The following CTBP2 variants were observed in gnomAD, a reference collection of about 807,000 sequenced individuals.
The protein encoded by CTBP2 is C-terminal binding protein 2.
CTBP2 carries 30 observed loss-of-function variants against 80.3 expected under a neutral mutation model. That is an observed-to-expected ratio of 0.37 (90% CI 0.28 to 0.51). The LOEUF (loss-of-function observed/expected upper bound fraction) is 0.51. CTBP2 is among the 20% of genes least tolerant of loss of function. The probability of loss-of-function intolerance (pLI) is 0.93; values close to 1 mark genes in which losing one functional copy is unlikely to be tolerated. For missense variants in CTBP2, 1,212 were observed against 1,375.3 expected, an observed-to-expected ratio of 0.88 and a Z score of 1.88; for synonymous variants, 594 against 587.4, an observed-to-expected ratio of 1.01 and a Z score of -0.16.
At chr10:125,110,792 C>T (rs1237322979) in intron 2 of CTBP2, among the ~76,000 whole-genome samples, 198 bp downstream of exon 2, 1 of 152,150 alleles carries the variant, frequency 6.6e-6, no homozygotes, top group African/African-American at 2.4e-5. Context: ...GAGTTAATTA[C>T]ATGTATTTTG....
chr10:125,083,905 G>C (rs1266060578), intron 2 of CTBP2, among the ~76,000 whole-genome samples: 1 of 152,118 alleles, frequency 6.6e-6, no homozygotes, highest in Admixed American at 6.5e-5. Context: ...TCAGCTTCCC[G>C]AGTAGCTGGG....
chr10:124,988,047 C>T lies in CTBP2; in HGVS notation c.*1471G>A, dbSNP rs1952112531. Reference sequence around the variant, plus strand: ...GCTTTGGGGTAGATTAAAGTCAGAACTCTAAAAGTTGAGCAACTTTGTTTT... The same window carrying T: ...GCTTTGGGGTAGATTAAAGTCAGAATTCTAAAAGTTGAGCAACTTTGTTTT... On this transcript the variant is annotated 3_prime_UTR_variant, in exon 9 of 9. Transcript: ENST00000309035. 1 of 151,466 alleles carries T rather than the reference C, an allele frequency of 6.6e-6. No homozygotes were observed. Among genetic ancestry groups the T allele is most frequent in the Admixed American group, 6.6e-5 (1 of 15,174 alleles). The allele number at this position is 151,466 out of a possible 1,614,324, so 9.4% of individuals were successfully genotyped here.
chr10:124,992,621 A>C, intron 8 of CTBP2, 74 bp downstream of exon 10: 1 of 1,094,982 alleles, frequency 9.1e-7, no homozygotes, highest in Admixed American at 2.5e-5. Context: ...AGCTTCCGCC[A>C]AGTTTGGGCT....
Position 125,003,073 on chromosome 10 carries a change from T to C in CTBP2, c.1865A>G (p.Tyr622Cys), listed in dbSNP as rs1320849842. 1 of 1,613,952 alleles carries C rather than the reference T, an allele frequency of 6.2e-7. No individual in the cohort carries two copies. The highest frequency in any genetic ancestry group is 2.2e-5 in the East Asian group (1 of 44,870). ...CTCCCTGGTGAGGGTGATGGTGTGG[T>C]ACATCATGGCGCCCACGGCTTCGTT... The change falls in exon 3 of 9, where the codon TAC (tyrosine) becomes TGC (cysteine). Residue 622 changes from tyrosine (Y) to cysteine (C), a missense_variant. This residue lies in a region of CTBP2 where 335 missense variants were observed against 504.7 expected (regional missense o/e 0.66). Coordinates refer to ENST00000309035, the MANE Select transcript of CTBP2 (RefSeq NM_022802.3).
intron 2 of CTBP2, among the ~76,000 whole-genome samples, chr10:125,097,401 T>C (rs1849694823): frequency 6.6e-6 from 1 of 152,200 alleles, no homozygotes; most frequent in Non-Finnish European, 1.5e-5. Flanking sequence ...CAACACCATT[T>C]CTATCAACAC....
At chr10:125,126,504 C>T (rs542000027) in intron 1 of CTBP2, among the ~76,000 whole-genome samples, 73 of 152,328 alleles carry the variant, frequency 4.8e-4, no homozygotes, top group African/African-American at 1.7e-3. Flanking sequence ...CACAAACTGA[C>T]GTGTGGTACA....
chr10:125,089,790 C>A (rs1039009169), intron 2 of CTBP2, among the ~76,000 whole-genome samples: 32 of 152,204 alleles, frequency 2.1e-4, no homozygotes, highest in Admixed American at 3.9e-4. Context: ...ATAGCATACA[C>A]TACTAGTATT....
chr10:125,026,968 G>C lies in CTBP2; in HGVS notation c.792C>G (p.Ile264Met). The change falls in exon 1 of 9, where the codon ATC becomes ATG. Residue 264 changes from isoleucine to methionine, a missense_variant. Ile to Met is a conservative substitution (Grantham distance 10). Transcript: ENST00000309035. ...AAGTCTCGTAAGCCATCTTGGATGGGATGCTTTCCCGGGCAGGCCCGTAGC... is the reference window on the plus strand; with the variant it reads ...AAGTCTCGTAAGCCATCTTGGATGGCATGCTTTCCCGGGCAGGCCCGTAGC... 1 of 1,614,086 alleles carries C rather than the reference G, an allele frequency of 6.2e-7. No individual in the cohort carries two copies. The highest frequency in any genetic ancestry group is 8.5e-7 in the Non-Finnish European group (1 of 1,180,032).
rs148409012 is a variant in CTBP2, at chr10:125,153,729, A to G, written c.-206+6590T>C. On this transcript the variant is annotated intron_variant, in intron 1 of 10. Coordinates refer to the CTBP2 transcript ENST00000337195. ...GAGATTTTTAAATTCCATCTTGGAA[A>G]AAGAAAAGCCCCATTAGGCCAGAGG... 8.1e-4 allele frequency among the ~76,000 whole-genome samples: 123 copies of G among 152,354 alleles called. 1 individual carries two copies. The highest frequency in any genetic ancestry group is 2.8e-3 in the African/African-American group (116 of 41,572).
chr10:125,125,035 T>C (rs1854994365), intron 1 of CTBP2, among the ~76,000 whole-genome samples: 2 of 152,182 alleles, frequency 1.3e-5, no homozygotes, highest in Non-Finnish European at 2.9e-5. Context: ...TTGGGAGCGG[T>C]TGGTGCCACT....
intron 1 of CTBP2, among the ~76,000 whole-genome samples, chr10:125,136,541 T>C (rs1856999439): frequency 1.3e-5 from 2 of 152,146 alleles, no homozygotes; most frequent in South Asian, 2.1e-4. Context: ...TGTGTGCCTA[T>C]AGGAGTGGGA....
intron 4 of CTBP2, among the ~76,000 whole-genome samples, chr10:124,995,893 G>C (rs117117820): frequency 6.6e-6 from 1 of 151,798 alleles, no homozygotes; most frequent in Non-Finnish European, 1.5e-5. Context: ...GCCTTCCCCC[G>C]TTCCTGCAGC....
chr10:124,997,702 C>T (rs1013288545), intron 4 of CTBP2: 20 of 541,560 alleles, frequency 3.7e-5, no homozygotes, highest in African/African-American at 7.6e-5. Context: ...CGCTGCCCCA[C>T]AGCAAAGAAT....
At chr10:125,040,050 G>C (rs560012461) in intron 2 of CTBP2, among the ~76,000 whole-genome samples, 34 of 152,128 alleles carry the variant, frequency 2.2e-4, no homozygotes, top group Non-Finnish European at 4.0e-4. Context: ...GGAAGCCTCT[G>C]ACTGTCACCA....
chr10:125,136,712 T>C (rs1857024137), intron 1 of CTBP2, among the ~76,000 whole-genome samples: 1 of 152,236 alleles, frequency 6.6e-6, no homozygotes, highest in Non-Finnish European at 1.5e-5. Flanking sequence ...ATCTTCAACA[T>C]GCACCTACTA....
intron 2 of CTBP2, among the ~76,000 whole-genome samples, chr10:125,091,462 A>G (rs939962812): frequency 1.3e-5 from 2 of 152,170 alleles, no homozygotes; most frequent in Non-Finnish European, 2.9e-5. Flanking sequence ...GTGACCAGCT[A>G]TTTTATTCCC....
intron 2 of CTBP2, among the ~76,000 whole-genome samples, chr10:125,060,790 C>T (rs1005296008): frequency 6.6e-6 from 1 of 152,200 alleles, no homozygotes; most frequent in Non-Finnish European, 1.5e-5. Context: ...GGCAGGCTTC[C>T]CCAGAGAGGC....
chr10:125,106,069 C>T (rs543124014), intron 2 of CTBP2, among the ~76,000 whole-genome samples: 12 of 152,370 alleles, frequency 7.9e-5, no homozygotes, highest in African/African-American at 2.9e-4. Context: ...TCCCACACAA[C>T]AGGGCTGCCA....
chr10:125,148,800 T>A (rs1177427441), intron 1 of CTBP2, among the ~76,000 whole-genome samples: 1 of 152,228 alleles, frequency 6.6e-6, no homozygotes, highest in African/African-American at 2.4e-5. Flanking sequence ...GCAGACACAA[T>A]TCCAACTTTA....
Sources: allele counts gnomAD v4.1 joint callset (sites outside exome capture counted in the v4.1 genomes callset), GRCh38; gene constraint gnomAD v4.1.1; regional missense constraint gnomAD v4.1.1; transcripts MANE v1.5; gene names NCBI Gene and HGNC (gene_info 2026-07-23, HGNC 2026-07-21).